NFIL3: variants seen among roughly 807,000 people sequenced by gnomAD.
NFIL3 encodes nuclear factor interleukin-3-regulated protein.
A neutral mutation model predicts 10.0 loss-of-function variants in NFIL3; 5 were observed. That is an observed-to-expected ratio of 0.50 (90% CI 0.26 to 1.06). The LOEUF is 1.06. Among genes scored for constraint, NFIL3 ranks in the 50% least tolerant of loss-of-function variants. The pLI, the probability that NFIL3 is intolerant of heterozygous loss-of-function variation, is 0.13. For missense variants in NFIL3, 436 were observed against 547.6 expected (o/e 0.80, Z 2.03); for synonymous variants, 202 against 206.5 (o/e 0.98, Z 0.19).
chr9:91,446,345 TTTCTC>T, the NFIL3 span, among the ~76,000 whole-genome samples: 1 of 152,218 alleles, frequency 6.6e-6, no homozygotes, highest in African/African-American at 2.4e-5. Context: ...TGTTGCTCCT[TTTCTC>T]TTCTCTAGTG....
Position 91,409,995 on chromosome 9 carries a change from T to C in NFIL3, c.740A>G (p.Tyr247Cys), listed in dbSNP as rs1430663087. Residue 247 changes from tyrosine (Y) to cysteine (C), a missense_variant, in exon 2 of 2, where the codon TAT becomes TGT. Tyr to Cys is a radical substitution (Grantham distance 194). This residue lies in a region of NFIL3 where 338 missense variants were observed against 399.9 expected (regional missense o/e 0.85). Coordinates refer to ENST00000297689, the MANE Select transcript of NFIL3 (RefSeq NM_005384.3). Reference sequence around the variant, plus strand: ...GTACCCAGAGAAAGAATTCCCCATATAGTTTTGATAGATGGACGCTGTGTA... The same window carrying C: ...GTACCCAGAGAAAGAATTCCCCATACAGTTTTGATAGATGGACGCTGTGTA... ...GSYTASIYQN[Y>C]MGNSFSGYSH... 8 of 1,613,110 alleles carry C rather than the reference T, an allele frequency of 5.0e-6. No individual in the cohort carries two copies. The highest frequency in any genetic ancestry group is 1.7e-5 in the Admixed American group (1 of 60,000).
chr9:91,465,097 G>T, the NFIL3 span, among the ~76,000 whole-genome samples: 1 of 151,984 alleles, frequency 6.6e-6, no homozygotes, highest in Non-Finnish European at 1.5e-5. Context: ...ATCATGTTTG[G>T]TGTTCTCTGA....
chr9:91,416,213 G>A (rs1385044744), intron 1 of NFIL3, among the ~76,000 whole-genome samples: 1 of 150,362 alleles, frequency 6.7e-6, no homozygotes, highest in Non-Finnish European at 1.5e-5. Context: ...AACATGAGGC[G>A]GGGGACAGTG....
the NFIL3 span, among the ~76,000 whole-genome samples, chr9:91,435,927 T>C: frequency 6.6e-6 from 1 of 152,306 alleles, no homozygotes; most frequent in South Asian, 2.1e-4. Context: ...TTTACAGCAT[T>C]CAGGGTACTT....
the NFIL3 span, among the ~76,000 whole-genome samples, chr9:91,467,154 G>A: frequency 6.6e-6 from 1 of 151,626 alleles, no homozygotes; most frequent in South Asian, 2.1e-4. Context: ...ATCTCTCTCT[G>A]TCTTTATACA....
At chr9:91,459,209 T>C in the NFIL3 span, among the ~76,000 whole-genome samples, 1 of 152,176 alleles carries the variant, frequency 6.6e-6, no homozygotes, top group Non-Finnish European at 1.5e-5. Context: ...TCTGTGCAGC[T>C]ATAGGCATGT....
chr9:91,437,332 C>A, the NFIL3 span, among the ~76,000 whole-genome samples: 1 of 152,226 alleles, frequency 6.6e-6, no homozygotes, highest in Admixed American at 6.5e-5. Context: ...TTTTTTGGAT[C>A]AGGAATACAT....
chr9:91,454,100 G>C, the NFIL3 span, among the ~76,000 whole-genome samples: 1 of 151,908 alleles, frequency 6.6e-6, no homozygotes, highest in Non-Finnish European at 1.5e-5. Context: ...GGGCATGGGT[G>C]GCGCATGCCT....
At chr9:91,452,413 C>T in the NFIL3 span, among the ~76,000 whole-genome samples, 1 of 151,142 alleles carries the variant, frequency 6.6e-6, no homozygotes, top group Non-Finnish European at 1.5e-5. Flanking sequence ...AGTTGTCCTA[C>T]ATTTCCAGAT....
chr9:91,424,416 T>C (rs1833841746), upstream of NFIL3, among the ~76,000 whole-genome samples: 1 of 151,650 alleles, frequency 6.6e-6, no homozygotes, highest in Admixed American at 6.6e-5. Context: ...TACCTTGGGG[T>C]GGGCAGGAGG....
At chr9:91,469,094 A>G in the NFIL3 span, among the ~76,000 whole-genome samples, 2 of 152,114 alleles carry the variant, frequency 1.3e-5, no homozygotes, top group African/African-American at 2.4e-5. Flanking sequence ...CTTGATGGGG[A>G]TGGCACTGAA....
the NFIL3 span, among the ~76,000 whole-genome samples, chr9:91,452,451 GA>G: frequency 0.42 from 63,706 of 151,820 alleles, 17,312 homozygotes; most frequent in African/African-American, 0.77. Context: ...TACAGGTATT[GA>G]ATGATGTATT....
At chr9:91,442,543 G>A in the NFIL3 span, among the ~76,000 whole-genome samples, 11 of 152,168 alleles carry the variant, frequency 7.2e-5, no homozygotes, top group Admixed American at 5.9e-4. Context: ...CGAGCCAGGC[G>A]CAGAGTGGTG....
At chr9:91,471,315 T>C in the NFIL3 span, among the ~76,000 whole-genome samples, 328 of 152,096 alleles carry the variant, frequency 2.2e-3, 3 homozygotes, top group African/African-American at 7.5e-3. Context: ...GTCTGTTTTA[T>C]CAGAGACTAG....
intron 1 of NFIL3, among the ~76,000 whole-genome samples, chr9:91,419,740 G>A (rs1833722695): frequency 6.6e-6 from 1 of 152,202 alleles, no homozygotes; most frequent in African/African-American, 2.4e-5. Flanking sequence ...TCTCTTTTCT[G>A]AAGAATGATC....
At chr9:91,425,097 A>G (rs1833856281), upstream of NFIL3, among the ~76,000 whole-genome samples, 1 of 152,154 alleles carries the variant, frequency 6.6e-6, no homozygotes, top group African/African-American at 2.4e-5. Flanking sequence ...GGAGTGTGGC[A>G]GGTGGGCAGG....
At chr9:91,461,826 T>A in the NFIL3 span, among the ~76,000 whole-genome samples, 1 of 152,014 alleles carries the variant, frequency 6.6e-6, no homozygotes, top group Non-Finnish European at 1.5e-5. Context: ...AGGATGAACC[T>A]CAGGTAAGGA....
chr9:91,453,534 T>C, the NFIL3 span, among the ~76,000 whole-genome samples: 2 of 152,104 alleles, frequency 1.3e-5, no homozygotes, highest in South Asian at 4.1e-4. Context: ...TTTCCCAACA[T>C]ATTTCAAAAA....
the NFIL3 span, among the ~76,000 whole-genome samples, chr9:91,464,480 A>G: frequency 6.6e-6 from 1 of 152,110 alleles, no homozygotes; most frequent in South Asian, 2.1e-4. Context: ...CATTCATTTC[A>G]TTTATACATA....
Sources: allele counts gnomAD v4.1 joint callset (sites outside exome capture counted in the v4.1 genomes callset), GRCh38; gene constraint gnomAD v4.1.1; regional missense constraint gnomAD v4.1.1; transcripts MANE v1.5; gene names NCBI Gene and HGNC (gene_info 2026-07-23, HGNC 2026-07-21).